Variants in PIP5K1B observed in about 807,000 individuals in gnomAD.
The protein encoded by PIP5K1B is phosphatidylinositol 4-phosphate 5-kinase type-1 beta.
Under a neutral mutation model 67.0 loss-of-function variants are expected in PIP5K1B, and 42 were observed. The ratio of observed to expected loss-of-function variants is 0.63; its 90% CI spans 0.49 to 0.81. The LOEUF (loss-of-function observed/expected upper bound fraction) is 0.81. Ranked by LOEUF, PIP5K1B falls within the 30% of genes least tolerant of loss-of-function variation. The pLI is 0.00. For missense variants in PIP5K1B, 459 were observed against 646.3 expected (o/e 0.71, Z 3.14); for synonymous variants, 214 against 231.4 (o/e 0.92, Z 0.68).
chr9:68,913,326 A>G (rs1409912480), intron 8 of PIP5K1B, among the ~76,000 whole-genome samples: 4 of 152,226 alleles, frequency 2.6e-5, no homozygotes, highest in African/African-American at 7.2e-5. Flanking sequence ...AGCAACAGTA[A>G]GGTCAGGCAG....
intron 5 of PIP5K1B, among the ~76,000 whole-genome samples, chr9:68,865,132 G>T (rs1823293276): frequency 1.3e-5 from 2 of 152,100 alleles, no homozygotes; most frequent in Non-Finnish European, 2.9e-5. Context: ...TGGTCTACTG[G>T]CCTTTTGAAG....
At chr9:68,910,621 G>T (rs1825805374) in intron 8 of PIP5K1B, among the ~76,000 whole-genome samples, 1 of 152,186 alleles carries the variant, frequency 6.6e-6, no homozygotes, top group Admixed American at 6.5e-5. Flanking sequence ...ATGAAGTCTT[G>T]TGTGTATGAT....
intron 2 of PIP5K1B, among the ~76,000 whole-genome samples, chr9:68,810,187 C>G (rs958419206): frequency 6.6e-6 from 1 of 152,182 alleles, no homozygotes; most frequent in Admixed American, 6.5e-5. Context: ...TATGGCTATC[C>G]TATTGGAAGC....
At chr9:68,926,084 C>T (rs930360902) in intron 12 of PIP5K1B, among the ~76,000 whole-genome samples, 3 of 151,970 alleles carry the variant, frequency 2.0e-5, no homozygotes, top group African/African-American at 7.2e-5. Flanking sequence ...CTTAAGCCAC[C>T]GCGCCCTGCT....
chr9:68,914,048 A>G (rs1028180017), intron 8 of PIP5K1B, among the ~76,000 whole-genome samples: 107 of 152,328 alleles, frequency 7.0e-4, no homozygotes, highest in African/African-American at 2.4e-3. Context: ...CAGGTTGAAT[A>G]TTGCAGGAAA....
At chr9:68,725,746 A>G (rs1182657918) in intron 1 of PIP5K1B, among the ~76,000 whole-genome samples, 1 of 152,224 alleles carries the variant, frequency 6.6e-6, no homozygotes, top group Non-Finnish European at 1.5e-5. Context: ...TTATTGAAGA[A>G]AGCAAAACTC....
intron 15 of PIP5K1B, among the ~76,000 whole-genome samples, chr9:69,000,754 G>A (rs1378272431): frequency 6.6e-6 from 1 of 152,172 alleles, no homozygotes; most frequent in Non-Finnish European, 1.5e-5. Context: ...GTCACATTCT[G>A]TGGTGACAAC....
At chr9:68,990,225 G>T (rs1830301336) in intron 14 of PIP5K1B, among the ~76,000 whole-genome samples, 1 of 152,148 alleles carries the variant, frequency 6.6e-6, no homozygotes, top group Admixed American at 6.5e-5. Context: ...CCTTGAACCA[G>T]CAGCGTTAGC....
At chr9:68,833,632 G>A (rs1427179105) in intron 4 of PIP5K1B, among the ~76,000 whole-genome samples, 1 of 151,890 alleles carries the variant, frequency 6.6e-6, no homozygotes, top group Non-Finnish European at 1.5e-5. Flanking sequence ...GAAGCCCTGA[G>A]TTAGAGAAAT....
At chr9:68,999,332 T>A (rs560311928) in intron 15 of PIP5K1B, among the ~76,000 whole-genome samples, 1 of 152,308 alleles carries the variant, frequency 6.6e-6, no homozygotes, top group East Asian at 1.9e-4. Context: ...AGCCCACCCC[T>A]CTACCTTACC....
intron 1 of PIP5K1B, among the ~76,000 whole-genome samples, chr9:68,709,429 C>T (rs1449739115): frequency 2.0e-5 from 3 of 152,064 alleles, no homozygotes; most frequent in African/African-American, 7.2e-5. Context: ...GACAGGGTTG[C>T]ACCATGTTGC....
intron 14 of PIP5K1B, among the ~76,000 whole-genome samples, chr9:68,957,350 G>A (rs756038315): frequency 1.1e-4 from 17 of 152,116 alleles, no homozygotes; most frequent in Non-Finnish European, 1.5e-4. Flanking sequence ...GAAGTGGATC[G>A]CATGACTCTA....
chr9:68,975,726 A>G (rs866622373), intron 14 of PIP5K1B, among the ~76,000 whole-genome samples: 10 of 152,326 alleles, frequency 6.6e-5, no homozygotes, highest in South Asian at 2.1e-4. Flanking sequence ...GAGGTTGTGA[A>G]GAAGAATCTG....
Position 68,940,646 on chromosome 9 carries a change from C to A in PIP5K1B, c.1358C>A (p.Ala453Asp). The A allele has an allele frequency of 6.2e-7, 1 of 1,613,386 alleles. No individual in the cohort carries two copies. The highest frequency in any genetic ancestry group is 8.5e-7 in the Non-Finnish European group (1 of 1,179,598). The change falls in exon 14 of 16, where the codon GCC becomes GAC. Residue 453 changes from alanine to aspartate, a missense_variant and splice_region_variant. By Grantham distance (126) the Ala-to-Asp change is moderately radical (BLOSUM62 -2). This residue lies in a region of PIP5K1B where 169 missense variants were observed against 171.9 expected (regional missense o/e 0.98). Coordinates refer to ENST00000265382, the MANE Select transcript of PIP5K1B (RefSeq NM_003558.4). The part of the protein sequence containing the change: ...GQSFSSLDEE[A>D]LGSRHRPDLV... ...ATGTGTGTGTTGCTTTCGTTCCTAG[C>A]CCTGGGATCCCGACACAGGCCAGAC...
chr9:68,787,204 C>A (rs2132481912), intron 2 of PIP5K1B, among the ~76,000 whole-genome samples: 1 of 152,264 alleles, frequency 6.6e-6, no homozygotes, highest in Middle Eastern at 3.4e-3. Flanking sequence ...GGGAAGGAAG[C>A]ATTTTAGGCA....
chr9:68,782,449 T>A (rs1831346442), intron 2 of PIP5K1B: 2 of 166,934 alleles, frequency 1.2e-5, no homozygotes, highest in South Asian at 4.1e-4. Flanking sequence ...ATACCTCACA[T>A]ATCTTCCTTA....
chr9:68,925,795 ATTTTT>A (rs71353094), intron 12 of PIP5K1B, among the ~76,000 whole-genome samples: 1 of 73,296 alleles, frequency 1.4e-5, no homozygotes, highest in African/African-American at 5.7e-5. Context: ...TGTGGTTCCA[ATTTTT>A]TTTTTTTTTT....
chr9:68,911,068 T>C (rs1052075529), intron 8 of PIP5K1B, among the ~76,000 whole-genome samples: 1 of 152,060 alleles, frequency 6.6e-6, no homozygotes, highest in African/African-American at 2.4e-5. Context: ...AGGAATGGGT[T>C]TGTGAGGAAA....
chr9:68,917,452 G>C, intron 8 of PIP5K1B, 96 bp from the exon 9 acceptor site: 1 of 845,548 alleles, frequency 1.2e-6, no homozygotes, highest in Non-Finnish European at 2.0e-6. Context: ...AATAACAGGA[G>C]CTGTGTGTCT....
Sources: allele counts gnomAD v4.1 joint callset (sites outside exome capture counted in the v4.1 genomes callset), GRCh38; gene constraint gnomAD v4.1.1; regional missense constraint gnomAD v4.1.1; transcripts MANE v1.5; gene names NCBI Gene and HGNC (gene_info 2026-07-23, HGNC 2026-07-21).